The following AXDND1 variants were observed in gnomAD, a reference collection of about 807,000 sequenced individuals.
AXDND1 encodes the protein axonemal dynein light chain domain-containing protein 1.
In AXDND1, 110 loss-of-function variants were observed where a neutral mutation model predicts 137.5. That is an observed-to-expected ratio of 0.80 (90% CI 0.69 to 0.94). The LOEUF is 0.94. AXDND1 is among the 40% of genes least tolerant of loss of function. The probability of loss-of-function intolerance (pLI) is 0.00; values close to 1 mark genes in which losing one functional copy is unlikely to be tolerated. For missense variants in AXDND1, 1,191 were observed against 1,169.8 expected (o/e 1.02, Z -0.26); for synonymous variants, 414 against 399.7 (o/e 1.04, Z -0.43).
chr1:179,542,664 A>G (rs891103197), intron 25 of AXDND1, among the ~76,000 whole-genome samples: 1 of 152,276 alleles, frequency 6.6e-6, no homozygotes, highest in African/African-American at 2.4e-5. Context: ...TTGTTAAACT[A>G]GAGAGGTTAC....
intron 15 of AXDND1, among the ~76,000 whole-genome samples, chr1:179,441,515 G>A (rs779867170): frequency 2.0e-5 from 3 of 152,148 alleles, no homozygotes; most frequent in African/African-American, 7.2e-5. Flanking sequence ...TTTCCAATCC[G>A]CATTTGCATT....
chr1:179,532,952 G>A (rs1268155903), intron 23 of AXDND1: 1 of 151,934 alleles, frequency 6.6e-6, no homozygotes, highest in Non-Finnish European at 1.5e-5. Context: ...GACTAACACA[G>A]GTTCTTTTCT....
intron 3 of AXDND1, 57 bp downstream of exon 3, chr1:179,369,029 T>C (rs1450848828): frequency 1.4e-6 from 2 of 1,460,590 alleles, no homozygotes; most frequent in African/African-American, 1.4e-5. Flanking sequence ...CATCTGATTA[T>C]TCTTTAAGTA....
intron 15 of AXDND1, among the ~76,000 whole-genome samples, chr1:179,437,676 A>G (rs12728142): frequency 1.3e-5 from 2 of 151,664 alleles, no homozygotes; most frequent in African/African-American, 4.8e-5. Flanking sequence ...TATGAACAGA[A>G]GACAGAGACA....
At chr1:179,455,857 T>G (rs1661321411) in intron 16 of AXDND1, 1 of 191,690 alleles carries the variant, frequency 5.2e-6, no homozygotes. Context: ...TATTATTTAG[T>G]TTAAGACATA....
chr1:179,474,174 G>A (rs1337357080), intron 17 of AXDND1, among the ~76,000 whole-genome samples: 1 of 149,262 alleles, frequency 6.7e-6, no homozygotes, highest in Admixed American at 6.7e-5. Flanking sequence ...GCAATGAGCC[G>A]AGTTCACACT....
In AXDND1 at chr1:179,460,278, T is replaced by A. The variant is rs1662136523; in HGVS notation, c.1799-8165T>A. Among the ~76,000 whole-genome samples the A allele has an allele frequency of 1.3e-5, 2 of 151,910 alleles. 1 individual carries two copies. The highest frequency in any genetic ancestry group is 1.3e-4 in the Admixed American group (2 of 15,234). On this transcript the variant is annotated intron_variant, in intron 16 of 25. Transcript: ENST00000367618. ...TCATTGTTCAATTCTCACATATGAG[T>A]GAGAAGATGCGGTGTTTGGTTTTCT...
intron 12 of AXDND1, among the ~76,000 whole-genome samples, chr1:179,413,261 T>A (rs1282889743): frequency 6.6e-6 from 1 of 152,194 alleles, no homozygotes; most frequent in Non-Finnish European, 1.5e-5. Flanking sequence ...AATTTTATTT[T>A]AGATTCAGGG....
chr1:179,489,741 CTTTTTTTTTTTTTT>C (rs140787885), intron 18 of AXDND1, among the ~76,000 whole-genome samples: 1 of 101,292 alleles, frequency 9.9e-6, no homozygotes, highest in Non-Finnish European at 2.0e-5. Context: ...TACTACTTTT[CTTTTTTTTTTTTTT>C]TTTTTTTTGA....
Position 179,449,988 on chromosome 1 carries a change from A to ATTCTTTTTTTTTTTTTT in AXDND1, c.1798+4786_1798+4787insCTTTTTTTTTTTTTTTT, listed in dbSNP as rs1571882821. 4.6e-5 allele frequency: 3 copies of ATTCTTTTTTTTTTTTTT among 65,370 alleles called. 1 individual carries two copies. Among genetic ancestry groups the ATTCTTTTTTTTTTTTTT allele is most frequent in the Non-Finnish European group, 8.3e-5 (3 of 36,186 alleles). The allele number at this position is 65,370 out of a possible 1,614,324, so 4.0% of individuals were successfully genotyped here. A position where few individuals can be genotyped will look rare whatever the true frequency, so the allele number is the denominator to read the frequency against. ...TTTTACTAGTTTCTTGCCAATCTGG[A>ATTCTTTTTTTTTTTTTT]TTTTTTTTTTTTTTTTTTTTTTTTT... On this transcript the variant is annotated intron_variant, in intron 16 of 25. Coordinates refer to ENST00000367618, the MANE Select transcript of AXDND1 (RefSeq NM_144696.6).
Position 179,394,050 on chromosome 1 carries a change from A to G in AXDND1, c.1004+7A>G, listed in dbSNP as rs1489154093. 6.3e-7 allele frequency: 1 copy of G among 1,590,118 alleles called. No homozygotes were observed. The highest frequency in any genetic ancestry group is 1.4e-5 in the African/African-American group (1 of 73,378). On this transcript the variant is annotated splice_region_variant and intron_variant, in intron 10 of 25. Transcript: ENST00000367618. ...TTATTGAAGAACTGACCAGGTAAAA[A>G]CTGTGATTATCTTAAACACAAAACA...
intron 16 of AXDND1, chr1:179,448,574 A>G (rs1320546321): frequency 1.7e-5 from 5 of 302,640 alleles, no homozygotes; most frequent in Non-Finnish European, 3.3e-5. Flanking sequence ...GAAATTTTCT[A>G]CAAGATTGTG....
chr1:179,443,230 G>A (rs377428900), intron 15 of AXDND1, among the ~76,000 whole-genome samples: 4 of 152,168 alleles, frequency 2.6e-5, no homozygotes, highest in African/African-American at 9.7e-5. Flanking sequence ...CAAGTGGAGC[G>A]CTGAGTTGGT....
intron 12 of AXDND1, among the ~76,000 whole-genome samples, chr1:179,428,108 C>T (rs1395715194): frequency 2.0e-5 from 3 of 152,204 alleles, no homozygotes; most frequent in African/African-American, 7.2e-5. Flanking sequence ...CTGAAATGGT[C>T]AGACCTCATC....
At chr1:179,369,456 A>G (rs193159912) in intron 3 of AXDND1, among the ~76,000 whole-genome samples, 192 of 152,206 alleles carry the variant, frequency 1.3e-3, no homozygotes, top group Middle Eastern at 0.01. Flanking sequence ...GAGATCAACC[A>G]TCCTGGCCAA....
At chr1:179,481,282 C>T (rs1665345496) in intron 17 of AXDND1, among the ~76,000 whole-genome samples, 2 of 151,940 alleles carry the variant, frequency 1.3e-5, no homozygotes, top group African/African-American at 4.8e-5. Context: ...TGGTTTCCAG[C>T]TTCATCCATG....
At chr1:179,511,971 G>A (rs1300808590) in intron 21 of AXDND1, among the ~76,000 whole-genome samples, 1 of 152,068 alleles carries the variant, frequency 6.6e-6, no homozygotes, top group Non-Finnish European at 1.5e-5. Flanking sequence ...TTAGTCCTTT[G>A]TCAGATGTAA....
chr1:179,392,267 T>G (rs1650323655), intron 9 of AXDND1, among the ~76,000 whole-genome samples: 1 of 152,238 alleles, frequency 6.6e-6, no homozygotes, highest in Non-Finnish European at 1.5e-5. Context: ...AGAATAATGG[T>G]CTCAAACTCC....
intron 16 of AXDND1, among the ~76,000 whole-genome samples, chr1:179,462,895 C>T (rs887581567): frequency 2.6e-5 from 4 of 152,082 alleles, no homozygotes; most frequent in African/African-American, 4.8e-5. Context: ...TCTAGATTTT[C>T]TAGTTTATTT....
Sources: gnomAD v4.1 joint callset for allele counts (sites outside exome capture counted in the v4.1 genomes callset) on GRCh38, gnomAD v4.1.1 for gene constraint, MANE v1.5 for transcripts, NCBI Gene and HGNC (gene_info 2026-07-23, HGNC 2026-07-21) for gene names.